Variants in SLC27A1 observed in about 807,000 individuals in gnomAD.
The protein encoded by SLC27A1 is solute carrier family 27 member 1, also known as long-chain fatty acid transport protein 1.
Under a neutral mutation model 62.2 loss-of-function variants are expected in SLC27A1, and 61 were observed. The observed-to-expected ratio is 0.98, with a 90% confidence interval of 0.80 to 1.21. SLC27A1 has a LOEUF of 1.21. Among genes scored for constraint, SLC27A1 ranks in the 50% most tolerant of loss-of-function variants. SLC27A1 has a pLI of 0.00. For synonymous variants in SLC27A1, 435 were observed against 408.6 expected (o/e 1.06, Z -0.78); for missense variants, 903 against 932.1 (o/e 0.97, Z 0.41).
chr19:17,503,953 A>T (rs2075445902), intron 11 of SLC27A1, among the ~76,000 whole-genome samples: 1 of 150,832 alleles, frequency 6.6e-6, no homozygotes, highest in African/African-American at 2.4e-5. Flanking sequence ...AAAAAAAAAA[A>T]AAAAGGGTTT....
chr19:17,487,090 C>T (rs1244845640), intron 2 of SLC27A1, 84 bp from the exon 3 acceptor site: 2 of 1,594,630 alleles, frequency 1.3e-6, no homozygotes, highest in Non-Finnish European at 1.7e-6. Flanking sequence ...TCTGGGTATG[C>T]CCCGGGCAGG....
Position 17,472,405 on chromosome 19 carries a change from A to G in SLC27A1, c.167+1698A>G, listed in dbSNP as rs1231273500. Among the ~76,000 whole-genome samples the G allele has an allele frequency of 2.0e-5, 3 of 151,940 alleles. No individual in the cohort carries two copies. In the East Asian group the frequency reaches 5.8e-4, roughly 29 times the overall value. On this transcript the variant is annotated intron_variant, in intron 1 of 11. Transcript: ENST00000252595. Reference sequence around the variant, plus strand: ...GTGAGACTCCGTCTCAAAAAAAAAAAAAAAAATAGAATTAGAATTGAGGCC... The same window carrying G: ...GTGAGACTCCGTCTCAAAAAAAAAAGAAAAAATAGAATTAGAATTGAGGCC...
Position 17,504,554 on chromosome 19 carries a change from A to G in SLC27A1, c.1883A>G (p.Tyr628Cys), listed in dbSNP as rs2075455100. 1 of 1,614,018 alleles carries G rather than the reference A, an allele frequency of 6.2e-7. No individual in the cohort carries two copies. The highest frequency in any genetic ancestry group is 1.3e-5 in the African/African-American group (1 of 74,918). ...LFFLDLKQGH[Y>C]LPLNEAVYTR... The stretch of plus-strand genomic sequence containing the variant: ...TTCCTGGACCTGAAGCAGGGCCACT[A>G]CCTGCCCTTAAATGAGGCAGTCTAC... Residue 628 changes from tyrosine (Y) to cysteine (C), a missense_variant, in exon 12 of 12, where the codon TAC becomes TGC. Coordinates refer to ENST00000252595, the MANE Select transcript of SLC27A1 (RefSeq NM_198580.3).
At chr19:17,490,634 G>A (rs1024422168) in intron 6 of SLC27A1, among the ~76,000 whole-genome samples, 13 of 151,938 alleles carry the variant, frequency 8.6e-5, no homozygotes, top group Non-Finnish European at 7.4e-5. Flanking sequence ...TCCCTCAGAC[G>A]GCATCATGTT....
At chr19:17,476,767 T>G (rs111335939) in intron 1 of SLC27A1, among the ~76,000 whole-genome samples, 10 of 152,106 alleles carry the variant, frequency 6.6e-5, no homozygotes, top group African/African-American at 2.4e-4. Flanking sequence ...GAGCCCCCAG[T>G]TCATTCATTA....
intron 1 of SLC27A1, among the ~76,000 whole-genome samples, chr19:17,470,933 G>T (rs1599634940): frequency 6.6e-6 from 1 of 151,214 alleles, no homozygotes; most frequent in Non-Finnish European, 1.5e-5. Flanking sequence ...AGGATTTCTC[G>T]AGGAAGATGA....
chr19:17,475,200 C>T (rs1302845761), intron 1 of SLC27A1, among the ~76,000 whole-genome samples: 2 of 152,174 alleles, frequency 1.3e-5, no homozygotes, highest in African/African-American at 4.8e-5. Context: ...CAGGCTGAAC[C>T]ACTGCGCCCA....
At chr19:17,501,665 C>T (rs925558100) in intron 11 of SLC27A1, among the ~76,000 whole-genome samples, 33 of 151,690 alleles carry the variant, frequency 2.2e-4, no homozygotes, top group Non-Finnish European at 3.7e-4. Context: ...TAGCCGGGCA[C>T]GGTTGCGGGT....
chr19:17,493,434 A>AG (rs1213731045), intron 6 of SLC27A1, among the ~76,000 whole-genome samples: 1 of 151,232 alleles, frequency 6.6e-6, no homozygotes, highest in East Asian at 1.9e-4. Context: ...TCTCAAAAAA[A>AG]AAAAAAAAAA....
intron 11 of SLC27A1, among the ~76,000 whole-genome samples, chr19:17,501,998 C>T (rs550353656): frequency 6.6e-6 from 1 of 151,198 alleles, no homozygotes; most frequent in African/African-American, 2.4e-5. Context: ...CACTTGTAGT[C>T]CCAGCTACTC....
intron 1 of SLC27A1, among the ~76,000 whole-genome samples, chr19:17,482,894 A>G (rs764816785): frequency 1.3e-5 from 2 of 152,130 alleles, no homozygotes; most frequent in Non-Finnish European, 2.9e-5. Flanking sequence ...CAGCAGATGC[A>G]TAGATGCTAG....
At position 17,486,567 on chromosome 19, in the gene SLC27A1, C is replaced by G; in HGVS notation, c.172C>G (p.Leu58Val). ...CKTARRDLFG[L>V]SVLIRVRLEL... is the part of the protein sequence containing the mutation. ...CCCCTCCGTCCTCCCTCCCAGCGGT[C>G]TCTCTGTGCTGATCCGCGTGCGCCT... The change falls in exon 2 of 12, where the codon CTC becomes GTC. Residue 58 changes from leucine to valine, a missense_variant. Coordinates refer to ENST00000252595, the MANE Select transcript of SLC27A1 (RefSeq NM_198580.3). This position sits in a 1 kb window ranked among gnomAD's most constrained non-coding sequence, Gnocchi z 6.6. The G allele has an allele frequency of 6.3e-7, 1 of 1,581,152 alleles. No homozygotes were observed. The highest frequency in any genetic ancestry group is 8.5e-7 in the Non-Finnish European group (1 of 1,170,956).
chr19:17,484,808 G>A (rs1185372276), intron 1 of SLC27A1, among the ~76,000 whole-genome samples: 1 of 152,174 alleles, frequency 6.6e-6, no homozygotes, highest in Non-Finnish European at 1.5e-5. Context: ...CATTTTGGGG[G>A]GTGTGAGCAG....
intron 1 of SLC27A1, among the ~76,000 whole-genome samples, chr19:17,485,871 G>A (rs2075224471): frequency 6.6e-6 from 1 of 152,110 alleles, no homozygotes; most frequent in South Asian, 2.1e-4. Context: ...CTAACAGCAA[G>A]TGGTGGCCCG....
At chr19:17,473,854 C>T (rs557627620) in intron 1 of SLC27A1, among the ~76,000 whole-genome samples, 48 of 152,288 alleles carry the variant, frequency 3.2e-4, no homozygotes, top group Non-Finnish European at 5.4e-4. Context: ...ATGAGCGAAA[C>T]TCCATCTCAA....
At chr19:17,495,567 C>G (rs1178887087) in intron 6 of SLC27A1, 2 of 152,436 alleles carry the variant, frequency 1.3e-5, no homozygotes, top group African/African-American at 4.8e-5. Context: ...CAGGCTTGAG[C>G]CACCCCGCCT....
intron 1 of SLC27A1, among the ~76,000 whole-genome samples, chr19:17,476,821 A>G (rs1357823758): frequency 6.6e-6 from 1 of 151,754 alleles, no homozygotes; most frequent in East Asian, 1.9e-4. Context: ...GAGGGTGGAT[A>G]TAAGGTTAGC....
intron 1 of SLC27A1, among the ~76,000 whole-genome samples, chr19:17,471,002 T>TG (rs1568407654): frequency 1.3e-5 from 1 of 78,574 alleles, no homozygotes; most frequent in Admixed American, 1.6e-4. Context: ...TCAGGGGATT[T>TG]GGGGGGCAAT....
chr19:17,471,280 C>T (rs992857616), intron 1 of SLC27A1, among the ~76,000 whole-genome samples: 4 of 151,970 alleles, frequency 2.6e-5, no homozygotes, highest in Admixed American at 6.6e-5. Flanking sequence ...TGAGTTTCCT[C>T]GGGATCGTTT....
Sources: gnomAD v4.1 joint callset for allele counts (sites outside exome capture counted in the v4.1 genomes callset) on GRCh38, gnomAD v4.1.1 for gene constraint, Gnocchi (gnomAD v3.1) non-coding constraint, MANE v1.5 for transcripts, NCBI Gene and HGNC (gene_info 2026-07-23, HGNC 2026-07-21) for gene names.